PHF7: variants seen among roughly 807,000 people sequenced by gnomAD.
The protein encoded by PHF7 is PHD finger protein 7.
A neutral mutation model predicts 47.5 loss-of-function variants in PHF7; 24 were observed. That is an observed-to-expected ratio of 0.51 (90% CI 0.37 to 0.71). PHF7 has a LOEUF of 0.71. PHF7 is among the 30% of genes least tolerant of loss of function. The probability of loss-of-function intolerance (pLI) is 0.00; values close to 1 mark genes in which losing one functional copy is unlikely to be tolerated. For synonymous variants in PHF7, 156 were observed against 153.8 expected (o/e 1.01, Z -0.11); for missense variants, 361 against 456.8 (o/e 0.79, Z 1.91).
rs749304238 is a variant in PHF7 at position 52,423,349 on chromosome 3, A to T, written c.*32A>T. On this transcript the variant is annotated 3_prime_UTR_variant, in exon 11 of 11. Coordinates refer to ENST00000327906, the MANE Select transcript of PHF7 (RefSeq NM_016483.7). ...CTGAGTAGCTGCTGTCCCACACAATAGGGTATGAAGCTGCGCTCCTCCATC... is the reference window on the plus strand; with the variant it reads ...CTGAGTAGCTGCTGTCCCACACAATTGGGTATGAAGCTGCGCTCCTCCATC... 2.1e-6 allele frequency: 3 copies of T among 1,410,744 alleles called. No homozygotes were observed. In the Admixed American group the frequency reaches 5.1e-5, roughly 24 times the overall value. 87.4% of individuals were successfully genotyped at this position (1,410,744 alleles called of 1,614,324 possible).
intron 4 of PHF7, among the ~76,000 whole-genome samples, chr3:52,418,893 C>T (rs961478961): frequency 1.3e-5 from 2 of 151,762 alleles, no homozygotes; most frequent in Non-Finnish European, 2.9e-5. Flanking sequence ...CTTCAACCTC[C>T]GCCTCCCGGG....
chr3:52,421,789 G>C, intron 8 of PHF7, 35 bp downstream of exon 8: 1 of 1,133,760 alleles, frequency 8.8e-7, no homozygotes, highest in Non-Finnish European at 1.3e-6. Context: ...CTGAGCCAGG[G>C]AGTGGGTTGC....
At position 52,420,413 on chromosome 3, in the gene PHF7, T is replaced by G. The variant is rs1206051388; in HGVS notation, c.391T>G (p.Ser131Ala). The G allele has an allele frequency of 1.9e-6, 3 of 1,614,068 alleles. No homozygotes were observed. Among genetic ancestry groups the G allele is most frequent in the Non-Finnish European group, 2.5e-6 (3 of 1,180,026 alleles). Residue 131 changes from serine (S) to alanine (A), a missense_variant, in exon 6 of 11, where the codon TCA becomes GCA. Ser to Ala is a moderately conservative substitution (Grantham distance 99, BLOSUM62 1). Transcript: ENST00000327906. ...TTGTGGCCAAGAAAGGGGTTGCCTT[T>G]CACAATTTTTTGGAGAGTACAAGTG... ...LPCGQERGCL[S>A]QFFGEYKSFC... is the part of the protein sequence containing the mutation.
intron 8 of PHF7, 101 bp downstream of exon 8, chr3:52,421,855 G>A: frequency 1.4e-6 from 1 of 702,208 alleles, no homozygotes; most frequent in Admixed American, 2.2e-5. Context: ...GAGAGCAGCA[G>A]AGGCACTGAT....
rs140633426 is a variant in PHF7, at chr3:52,413,664, G to A, written c.42-332G>A. On this transcript the variant is annotated intron_variant, in intron 2 of 10. Transcript: ENST00000327906. ...AGCCTGGCCAACATGGTGAAACCCC[G>A]TCTCTACTAAAAATATAGAAATTAG... Among the ~76,000 whole-genome samples the A allele has an allele frequency of 3.9e-3, 589 of 152,250 alleles. 4 individuals carry two copies. Among genetic ancestry groups the A allele is most frequent in the South Asian group, 0.023 (112 of 4,818 alleles).
At chr3:52,413,220 TG>T (rs1489946352) in intron 2 of PHF7, among the ~76,000 whole-genome samples, 1 of 152,240 alleles carries the variant, frequency 6.6e-6, no homozygotes, top group East Asian at 1.9e-4. Flanking sequence ...TACATAATAA[TG>T]GCATGTACTT....
Position 52,412,857 on chromosome 3 carries a change from A to G in PHF7, c.-23A>G, listed in dbSNP as rs573846962. Reference sequence around the variant, plus strand: ...TCACAATAGTATAGAAGAATTCAAGAGAGGAGAGAGAGACAGCACCGAATG... The same window carrying G: ...TCACAATAGTATAGAAGAATTCAAGGGAGGAGAGAGAGACAGCACCGAATG... On this transcript the variant is annotated 5_prime_UTR_variant, in exon 2 of 11. Transcript: ENST00000327906. The G allele has an allele frequency of 1.9e-6, 3 of 1,587,170 alleles. No individual in the cohort carries two copies. Among genetic ancestry groups the G allele is most frequent in the Non-Finnish European group, 2.6e-6 (3 of 1,156,646 alleles).
At chr3:52,422,393 G>A in intron 9 of PHF7, 55 bp downstream of exon 9, 1 of 1,105,674 alleles carries the variant, frequency 9.0e-7, no homozygotes, top group Non-Finnish European at 1.4e-6. Context: ...CTTAGAGTTA[G>A]ACCTTGGCAC....
Position 52,418,350 on chromosome 3 carries a change from T to C in PHF7, c.187-1483T>C, listed in dbSNP as rs546145422. Among the ~76,000 whole-genome samples, 12 of 152,324 alleles carry C rather than the reference T, an allele frequency of 7.9e-5. No homozygotes were observed. In the South Asian group the frequency reaches 2.3e-3, roughly 29 times the overall value. On this transcript the variant is annotated intron_variant, in intron 4 of 10. Coordinates refer to ENST00000327906, the MANE Select transcript of PHF7 (RefSeq NM_016483.7). ...TTTGTATCTTGGCTTTTTTCCATCA[T>C]ATATATTTTGGAAATCTTTCTGTAT...
chr3:52,411,730 T>G (rs1233530607), intron 1 of PHF7, among the ~76,000 whole-genome samples: 1 of 152,244 alleles, frequency 6.6e-6, no homozygotes, highest in Non-Finnish European at 1.5e-5. Context: ...GATCTCCCCG[T>G]TAACCAGTGA....
At chr3:52,413,350 T>C (rs895521161) in intron 2 of PHF7, among the ~76,000 whole-genome samples, 3 of 152,184 alleles carry the variant, frequency 2.0e-5, no homozygotes, top group Admixed American at 2.0e-4. Flanking sequence ...TTCATTTCAG[T>C]ATGCTTTGTA....
intron 2 of PHF7, 134 bp downstream of exon 2, chr3:52,413,054 G>T: frequency 1.4e-6 from 1 of 704,370 alleles, no homozygotes. Context: ...GGAGCTGGGA[G>T]CTGTCATACC....
chr3:52,413,916 G>A, intron 2 of PHF7, 80 bp from the exon 3 acceptor site: 1 of 921,924 alleles, frequency 1.1e-6, no homozygotes, highest in Admixed American at 1.8e-5. Context: ...ACCCATGAAT[G>A]GCATTTTAAG....
At position 52,420,988 on chromosome 3, in the gene PHF7, T is replaced by G; in HGVS notation, c.499T>G (p.Leu167Val). 6.2e-7 allele frequency: 1 copy of G among 1,613,838 alleles called. No homozygotes were observed. Among genetic ancestry groups the G allele is most frequent in the Non-Finnish European group, 8.5e-7 (1 of 1,179,830 alleles). Residue 167 changes from leucine (L) to valine (V), a missense_variant, in exon 7 of 11, where the codon TTA (leucine) becomes GTA (valine). Transcript: ENST00000327906. ...EESCILCCED[L>V]SQQSVENIQS... is the part of the protein sequence containing the mutation. ...AAGCTGCATCTTATGTTGTGAAGACTTATCCCAACAGAGTGTTGAGAACAT... is the reference window on the plus strand; with the variant it reads ...AAGCTGCATCTTATGTTGTGAAGACGTATCCCAACAGAGTGTTGAGAACAT...
At position 52,412,902 on chromosome 3, in the gene PHF7, A is replaced by G; in HGVS notation, c.23A>G (p.Lys8Arg). 6.2e-7 allele frequency: 1 copy of G among 1,610,758 alleles called. No individual in the cohort carries two copies. The highest frequency in any genetic ancestry group is 8.5e-7 in the Non-Finnish European group (1 of 1,177,380). Residue 8 changes from lysine to arginine, a missense_variant, in exon 2 of 11, where the codon AAG becomes AGG. Transcript: ENST00000327906. MKTVKEK[K>R]ECQRLRKSAK... ...CGAATGAAGACTGTAAAAGAAAAGA[A>G]GGAATGCCAGAGATTGAGGTAGAAG... is the stretch of plus-strand genomic sequence containing the variant.
At chr3:52,417,565 T>G (rs914986147) in intron 4 of PHF7, among the ~76,000 whole-genome samples, 17 of 152,260 alleles carry the variant, frequency 1.1e-4, no homozygotes, top group African/African-American at 4.1e-4. Flanking sequence ...GTATTTTTAT[T>G]TCATTTTTAA....
intron 4 of PHF7, chr3:52,414,853 A>C (rs2153228956): frequency 6.2e-6 from 1 of 161,680 alleles, no homozygotes; most frequent in East Asian, 1.8e-4. Flanking sequence ...TTAAAAAAAA[A>C]AAAAAAAAAG....
rs762866338 is a variant in PHF7, at chr3:52,420,321, T to C, written c.299T>C (p.Val100Ala). 1.2e-6 allele frequency: 2 copies of C among 1,614,084 alleles called. No homozygotes were observed. Among genetic ancestry groups the C allele is most frequent in the Non-Finnish European group, 1.7e-6 (2 of 1,179,900 alleles). The change falls in exon 6 of 11, where the codon GTG (valine) becomes GCG (alanine). Residue 100 changes from valine (V) to alanine (A), a missense_variant. Physicochemically the swap from Val to Ala is moderately conservative, Grantham distance 64. Transcript: ENST00000327906. Reference protein sequence around the residue: ...AARASRKICFVCKKKGAAINC... With the variant: ...AARASRKICFACKKKGAAINC... ...GGAACTCATTTGCAGATCTGCTTTG[T>C]GTGCAAGAAAAAGGGAGCTGCTATC... is the stretch of plus-strand genomic sequence containing the variant.
chr3:52,419,505 C>T (rs890720394), intron 4 of PHF7, among the ~76,000 whole-genome samples: 1 of 151,380 alleles, frequency 6.6e-6, no homozygotes, highest in Non-Finnish European at 1.5e-5. Flanking sequence ...TCTCGGCTCA[C>T]TGCAAGCTCC....
Sources: allele counts gnomAD v4.1 joint callset (sites outside exome capture counted in the v4.1 genomes callset), GRCh38; gene constraint gnomAD v4.1.1; transcripts MANE v1.5; gene names NCBI Gene and HGNC (gene_info 2026-07-23, HGNC 2026-07-21).